The following AAMDC variants were observed in gnomAD, a reference collection of about 807,000 sequenced individuals.
AAMDC encodes the protein mth938 domain-containing protein.
In AAMDC, 16 loss-of-function variants were observed where a neutral mutation model predicts 15.5. The observed-to-expected ratio is 1.03, with a 90% CI of 0.70 to 1.57. AAMDC has a LOEUF of 1.57. Among genes scored for constraint, AAMDC ranks in the 40% most tolerant of loss-of-function variants. The pLI is 0.00. For synonymous variants in AAMDC, 51 were observed against 51.6 expected (o/e 0.99, Z 0.05); for missense variants, 141 against 144.9 (o/e 0.97, Z 0.14).
intron 2 of AAMDC, among the ~76,000 whole-genome samples, chr11:77,854,417 A>G (rs756450410): frequency 1.5e-4 from 23 of 152,240 alleles, no homozygotes; most frequent in Non-Finnish European, 2.6e-4. Context: ...GTTACTTCCA[A>G]GATACAATGG....
intron 5 of AAMDC, among the ~76,000 whole-genome samples, chr11:77,886,748 G>C (rs679526): frequency 0.38 from 57,248 of 148,856 alleles, 11,174 homozygotes; most frequent in African/African-American, 0.47. Flanking sequence ...GGTGGGAGGC[G>C]CCCGGCGAGG....
intron 1 of AAMDC, 88 bp downstream of exon 1, chr11:77,821,329 G>A (rs565537614): frequency 1.8e-5 from 3 of 162,280 alleles, no homozygotes; most frequent in South Asian, 3.8e-4. Context: ...GAATAGGGCG[G>A]GGGAAAGCAC....
rs1489008533 is a variant in AAMDC, at chr11:77,831,692, AT to A, written c.-19+10452del. Among the ~76,000 whole-genome samples, 21 of 142,508 alleles carry A rather than the reference AT, an allele frequency of 1.5e-4. No individual in the cohort carries two copies. In the Admixed American group the frequency reaches 1.5e-3, roughly 10 times the overall value. The allele number at this position is 142,508 out of a possible 152,430, so 93.5% of individuals were successfully genotyped here. On this transcript the variant is annotated intron_variant, in intron 1 of 3. Transcript: ENST00000393427. ...CAGCCACCTTTCACATTACTTAGGT[AT>A]CTTTTTTTTTTTTTTTTTCTGAGAC...
intron 1 of AAMDC, among the ~76,000 whole-genome samples, chr11:77,831,157 G>A (rs1318324055): frequency 6.6e-6 from 1 of 151,940 alleles, no homozygotes; most frequent in Non-Finnish European, 1.5e-5. Flanking sequence ...AAAAAAGAAA[G>A]AAGGAAAAAA....
rs575055927 is a variant in AAMDC at position 77,843,924 on chromosome 11, G to A, written c.132+1296G>A. ...GTGGCAGGCAAAGAGAGCTTGTGCA[G>A]AGAAACTCTCGTTTTTAAAACCATC... On this transcript the variant is annotated intron_variant, in intron 2 of 3. Transcript: ENST00000393427. 2.0e-5 allele frequency among the ~76,000 whole-genome samples: 3 copies of A among 152,272 alleles called. No individual in the cohort carries two copies. The South Asian group carries it at 6.2e-4, about 32-fold the overall frequency.
chr11:77,852,661 C>T lies in AAMDC; in HGVS notation c.132+10033C>T, dbSNP rs532943036. On this transcript the variant is annotated intron_variant, in intron 2 of 3. Coordinates refer to ENST00000393427, the MANE Select transcript of AAMDC (RefSeq NM_024684.4). ...TCTCTTCCATCACATTCCCACCTCA[C>T]TCCATGTAGGTAATTATTTTGTATT... 3.9e-5 allele frequency among the ~76,000 whole-genome samples: 6 copies of T among 152,296 alleles called. No homozygotes were observed. The East Asian group carries it at 1.2e-3, about 29-fold the overall frequency.
At chr11:77,904,691 T>C (rs1263935557), downstream of AAMDC, among the ~76,000 whole-genome samples, 1 of 152,228 alleles carries the variant, frequency 6.6e-6, no homozygotes. Flanking sequence ...TATGCATGTT[T>C]TTTGACAGTT....
intron 1 of AAMDC, among the ~76,000 whole-genome samples, chr11:77,825,629 C>A (rs1293939500): frequency 6.6e-6 from 1 of 151,588 alleles, no homozygotes. Context: ...TAACTGAATT[C>A]TGTGTTACAA....
chr11:77,830,453 G>C (rs562935503), intron 1 of AAMDC, among the ~76,000 whole-genome samples: 1 of 151,922 alleles, frequency 6.6e-6, no homozygotes, highest in Non-Finnish European at 1.5e-5. Context: ...CAAACCTGCC[G>C]TGAATCAAAC....
intron 5 of AAMDC, among the ~76,000 whole-genome samples, chr11:77,893,059 C>T (rs1411448057): frequency 2.6e-5 from 4 of 152,100 alleles, no homozygotes; most frequent in South Asian, 2.1e-4. Flanking sequence ...GGACAATGAG[C>T]GGAAGAAATG....
downstream of AAMDC, among the ~76,000 whole-genome samples, chr11:77,876,394 A>G (rs1008893273): frequency 1.3e-5 from 2 of 149,096 alleles, no homozygotes; most frequent in African/African-American, 4.9e-5. Flanking sequence ...AAACCTTTAT[A>G]AAAAGGTCTT....
chr11:77,825,208 T>A (rs1949113800), intron 1 of AAMDC, among the ~76,000 whole-genome samples: 1 of 151,980 alleles, frequency 6.6e-6, no homozygotes, highest in African/African-American at 2.4e-5. Flanking sequence ...GGTCTCGATC[T>A]CCTGACCTTG....
chr11:77,832,951 A>ATGTG (rs146936151), intron 1 of AAMDC, among the ~76,000 whole-genome samples: 695 of 68,410 alleles, frequency 0.01, 50 homozygotes, highest in Middle Eastern at 0.019. Context: ...GTATATATAT[A>ATGTG]TGTGTGTGTG....
intron 2 of AAMDC, among the ~76,000 whole-genome samples, chr11:77,865,870 G>A (rs963249426): frequency 2.6e-5 from 4 of 151,992 alleles, no homozygotes; most frequent in African/African-American, 4.8e-5. Flanking sequence ...GGGGACCATC[G>A]GCCTCAATAG....
intron 2 of AAMDC, among the ~76,000 whole-genome samples, chr11:77,868,032 T>G (rs1047769253): frequency 4.0e-5 from 6 of 151,704 alleles, no homozygotes; most frequent in African/African-American, 1.5e-4. Context: ...TTAACTGTTC[T>G]TCTAGTCTTT....
chr11:77,852,237 A>AAAAAAAAAAAAAAAAAAAAAAAC (rs1196414164), intron 2 of AAMDC, among the ~76,000 whole-genome samples: 8 of 149,192 alleles, frequency 5.4e-5, no homozygotes, highest in Non-Finnish European at 1.0e-4. Context: ...AAAAAAAAAA[A>AAAAAAAAAAAAAAAAAAAAAAAC]AAAAGAAGAA....
chr11:77,859,200 G>C (rs1353252616), intron 2 of AAMDC, among the ~76,000 whole-genome samples: 2 of 152,180 alleles, frequency 1.3e-5, no homozygotes, highest in African/African-American at 4.8e-5. Context: ...TGAGTACAGG[G>C]GCTTGGTTTC....
intron 1 of AAMDC, among the ~76,000 whole-genome samples, chr11:77,828,021 C>T (rs1949257122): frequency 6.6e-6 from 1 of 152,154 alleles, no homozygotes; most frequent in Admixed American, 6.5e-5. Flanking sequence ...TGCCTGTAAT[C>T]CCAGCACTTT....
chr11:77,841,050 G>A, intron 1 of AAMDC: 2 of 587,518 alleles, frequency 3.4e-6, no homozygotes, highest in East Asian at 2.8e-5. Context: ...AGACCAGTTG[G>A]CTCGCATCTG....
Sources: allele counts gnomAD v4.1 joint callset (sites outside exome capture counted in the v4.1 genomes callset), GRCh38; gene constraint gnomAD v4.1.1; transcripts MANE v1.5; gene names NCBI Gene and HGNC (gene_info 2026-07-23, HGNC 2026-07-21).